The following SPOCK3 variants were observed in gnomAD, a reference collection of about 807,000 sequenced individuals.
SPOCK3 encodes SPARC (osteonectin), cwcv and kazal like domains proteoglycan 3.
Under a neutral mutation model 56.6 loss-of-function variants are expected in SPOCK3, and 30 were observed. The ratio of observed to expected loss-of-function variants is 0.53; its 90% CI spans 0.40 to 0.72. The LOEUF (loss-of-function observed/expected upper bound fraction) is 0.72. Among genes scored for constraint, SPOCK3 ranks in the 30% least tolerant of loss-of-function variants. SPOCK3 has a pLI of 0.00. For missense variants in SPOCK3, 527 were observed against 530.0 expected, an observed-to-expected ratio of 0.99 and a Z score of 0.06; for synonymous variants, 196 against 183.3, an observed-to-expected ratio of 1.07 and a Z score of -0.56.
At chr4:167,218,366 C>T (rs1273446909) in intron 2 of SPOCK3, among the ~76,000 whole-genome samples, 1 of 152,086 alleles carries the variant, frequency 6.6e-6, no homozygotes, top group Admixed American at 6.6e-5. Flanking sequence ...CTTTTGTCAC[C>T]TTTGAGGCTG....
intron 2 of SPOCK3, among the ~76,000 whole-genome samples, chr4:167,198,956 C>T (rs1044846033): frequency 6.6e-6 from 1 of 152,046 alleles, no homozygotes; most frequent in South Asian, 2.1e-4. Context: ...GCTAAAAACA[C>T]CCATCATTTT....
At chr4:166,779,841 C>T (rs1739966023) in intron 7 of SPOCK3, among the ~76,000 whole-genome samples, 1 of 151,952 alleles carries the variant, frequency 6.6e-6, no homozygotes, top group African/African-American at 2.4e-5. Context: ...AGATTAAGGC[C>T]AATTTTGAAA....
chr4:166,741,507 C>T (rs550136591), intron 9 of SPOCK3, among the ~76,000 whole-genome samples: 1 of 152,048 alleles, frequency 6.6e-6, no homozygotes, highest in Non-Finnish European at 1.5e-5. Context: ...TGAATAAAAT[C>T]TGAAATATCT....
At chr4:166,995,597 C>T (rs1372888237) in intron 4 of SPOCK3, among the ~76,000 whole-genome samples, 1 of 151,930 alleles carries the variant, frequency 6.6e-6, no homozygotes, top group Non-Finnish European at 1.5e-5. Flanking sequence ...ATCTATCTAA[C>T]TATACCTATC....
chr4:166,877,910 G>A (rs774707864), intron 6 of SPOCK3, among the ~76,000 whole-genome samples: 2 of 152,100 alleles, frequency 1.3e-5, no homozygotes, highest in Non-Finnish European at 2.9e-5. Flanking sequence ...AATACATTAA[G>A]TAAATCATCT....
At chr4:167,093,652 C>A (rs1202579089) in intron 2 of SPOCK3, among the ~76,000 whole-genome samples, 1 of 152,184 alleles carries the variant, frequency 6.6e-6, no homozygotes, top group Non-Finnish European at 1.5e-5. Flanking sequence ...CATAGTATTT[C>A]ATGGTGTATA....
chr4:166,740,153 A>G (rs1734682585), intron 9 of SPOCK3, among the ~76,000 whole-genome samples: 2 of 152,118 alleles, frequency 1.3e-5, no homozygotes, highest in Non-Finnish European at 2.9e-5. Flanking sequence ...CCTTTCAAAG[A>G]CTGAATCTCC....
chr4:167,115,243 GTAGAGTTGTC>G (rs1415992481), intron 2 of SPOCK3, among the ~76,000 whole-genome samples: 1 of 151,376 alleles, frequency 6.6e-6, no homozygotes, highest in Non-Finnish European at 1.5e-5. Flanking sequence ...TATGCTAAAT[GTAGAGTTGTC>G]TAGCTGTGAA....
intron 6 of SPOCK3, among the ~76,000 whole-genome samples, chr4:166,884,834 A>G (rs1466814538): frequency 6.6e-6 from 1 of 151,704 alleles, no homozygotes; most frequent in Non-Finnish European, 1.5e-5. Flanking sequence ...CAGGATAACA[A>G]TGCACAAACC....
chr4:166,841,070 G>A (rs1579383371), intron 6 of SPOCK3, among the ~76,000 whole-genome samples: 1 of 151,470 alleles, frequency 6.6e-6, no homozygotes, highest in Admixed American at 6.6e-5. Flanking sequence ...AAGCCCCCAC[G>A]CCCGGCCCGC....
intron 3 of SPOCK3, among the ~76,000 whole-genome samples, chr4:167,057,248 TCA>T (rs1462940810): frequency 6.6e-6 from 1 of 152,162 alleles, no homozygotes; most frequent in Non-Finnish European, 1.5e-5. Flanking sequence ...AGCGATTTTG[TCA>T]CCACCAGGCC....
intron 2 of SPOCK3, among the ~76,000 whole-genome samples, chr4:167,184,681 A>T (rs1311272266): frequency 6.6e-6 from 1 of 152,194 alleles, no homozygotes; most frequent in Non-Finnish European, 1.5e-5. Flanking sequence ...TAAAAACTGG[A>T]AAATAAAACA....
intron 3 of SPOCK3, among the ~76,000 whole-genome samples, chr4:167,044,917 T>C (rs528939045): frequency 3.5e-4 from 54 of 152,224 alleles, no homozygotes; most frequent in Non-Finnish European, 7.5e-4. Context: ...TCTATAGATG[T>C]CAATTTTATC....
intron 4 of SPOCK3, among the ~76,000 whole-genome samples, chr4:166,956,335 A>G (rs1208851913): frequency 6.6e-6 from 1 of 152,168 alleles, no homozygotes; most frequent in Non-Finnish European, 1.5e-5. Context: ...GAGCAATTAT[A>G]GCAATATGCC....
At chr4:166,884,227 C>T (rs564540647) in intron 6 of SPOCK3, among the ~76,000 whole-genome samples, 49 of 152,154 alleles carry the variant, frequency 3.2e-4, no homozygotes, top group Admixed American at 3.1e-3. Flanking sequence ...GTGGCTGGCA[C>T]CTGTTGTCCC....
intron 9 of SPOCK3, among the ~76,000 whole-genome samples, chr4:166,741,684 A>T (rs1033686895): frequency 6.6e-6 from 1 of 152,162 alleles, no homozygotes; most frequent in African/African-American, 2.4e-5. Flanking sequence ...TTTGCCATCA[A>T]TTCTTAAATC....
intron 3 of SPOCK3, among the ~76,000 whole-genome samples, chr4:167,037,290 C>T (rs1488301873): frequency 2.0e-5 from 3 of 151,850 alleles, no homozygotes; most frequent in Non-Finnish European, 2.9e-5. Flanking sequence ...AAGGCCATAC[C>T]GGCCAACATG....
chr4:166,738,575 C>T (rs1356062328), intron 9 of SPOCK3, among the ~76,000 whole-genome samples: 2 of 148,306 alleles, frequency 1.3e-5, no homozygotes, highest in African/African-American at 2.5e-5. Context: ...CCCATTAACT[C>T]GTCACTTAGC....
At chr4:167,116,625 A>ATATACTATATATGTATATATATACACG (rs1554038945) in intron 2 of SPOCK3, among the ~76,000 whole-genome samples, 74 of 125,224 alleles carry the variant, frequency 5.9e-4, no homozygotes, top group Non-Finnish European at 8.2e-4. Context: ...ATATATATAC[A>ATATACTATATATGTATATATATACACG]TATATACTAT....
Sources: allele counts gnomAD v4.1 joint callset (sites outside exome capture counted in the v4.1 genomes callset), GRCh38; gene constraint gnomAD v4.1.1; transcripts MANE v1.5; gene names NCBI Gene and HGNC (gene_info 2026-07-23, HGNC 2026-07-21).